Variants in STAG1 observed in about 807,000 individuals in gnomAD.
STAG1 encodes cohesin subunit SA-1.
A neutral mutation model predicts 170.9 loss-of-function variants in STAG1; 26 were observed. The observed-to-expected ratio is 0.15, with a 90% CI of 0.11 to 0.21. The LOEUF (loss-of-function observed/expected upper bound fraction) is 0.21. STAG1 is among the 10% of genes least tolerant of loss of function. The pLI, the probability that STAG1 is intolerant of heterozygous loss-of-function variation, is 1.00. For missense variants in STAG1, 964 were observed against 1,509.5 expected (o/e 0.64, Z 5.99); for synonymous variants, 514 against 497.7 (o/e 1.03, Z -0.44).
At chr3:136,345,058 G>A (rs1238875291) in intron 29 of STAG1, among the ~76,000 whole-genome samples, 4 of 151,948 alleles carry the variant, frequency 2.6e-5, no homozygotes, top group Admixed American at 2.0e-4. Context: ...GCTACGAACT[G>A]TTTTTCTTTC....
At chr3:136,639,304 C>T (rs1940705506) in intron 1 of STAG1, among the ~76,000 whole-genome samples, 1 of 151,972 alleles carries the variant, frequency 6.6e-6, no homozygotes, top group South Asian at 2.1e-4. Flanking sequence ...CACTACCTTC[C>T]AGCCTGGATG....
At chr3:136,653,972 C>A (rs1399654459) in intron 1 of STAG1, among the ~76,000 whole-genome samples, 1 of 152,178 alleles carries the variant, frequency 6.6e-6, no homozygotes, top group East Asian at 1.9e-4. Context: ...AAACTAGCAA[C>A]ATAAGGGAAT....
chr3:136,723,787 G>C (rs1388856378), intron 1 of STAG1, among the ~76,000 whole-genome samples: 1 of 142,562 alleles, frequency 7.0e-6, no homozygotes, highest in Non-Finnish European at 1.5e-5. Flanking sequence ...GGAGGTGGGG[G>C]GGTCAGCCCC....
chr3:136,735,393 T>C (rs989839350), intron 1 of STAG1, among the ~76,000 whole-genome samples: 1 of 152,044 alleles, frequency 6.6e-6, no homozygotes, highest in African/African-American at 2.4e-5. Context: ...CCTGAAGTGG[T>C]GGGATTACAG....
In STAG1 at chr3:136,410,580, T is replaced by C. The variant is rs141378164; in HGVS notation, c.2196+7305A>G. On this transcript the variant is annotated intron_variant, in intron 21 of 33. Transcript: ENST00000383202. ...GCTATGTGACCTAAGGCTAGTTATTTAGTATCTCTGGTTTCATCATCAACA... is the reference window on the plus strand; with the variant it reads ...GCTATGTGACCTAAGGCTAGTTATTCAGTATCTCTGGTTTCATCATCAACA... Among the ~76,000 whole-genome samples, 562 of 152,334 alleles carry C rather than the reference T, an allele frequency of 3.7e-3. 12 individuals carry two copies. Among genetic ancestry groups the C allele is most frequent in the Admixed American group, 0.032 (489 of 15,298 alleles).
At chr3:136,598,418 C>G (rs986700167) in intron 4 of STAG1, among the ~76,000 whole-genome samples, 2 of 151,388 alleles carry the variant, frequency 1.3e-5, no homozygotes, top group Non-Finnish European at 2.9e-5. Context: ...CTCTTTAATA[C>G]AACCTTTTTT....
At chr3:136,669,691 C>T (rs531426405) in intron 1 of STAG1, among the ~76,000 whole-genome samples, 1 of 152,164 alleles carries the variant, frequency 6.6e-6, no homozygotes, top group African/African-American at 2.4e-5. Flanking sequence ...ACTGACATTA[C>T]AAGACTTCGG....
chr3:136,462,635 T>C (rs1027399014), intron 13 of STAG1, among the ~76,000 whole-genome samples: 1 of 152,184 alleles, frequency 6.6e-6, no homozygotes, highest in Non-Finnish European at 1.5e-5. Context: ...CAATAATTTA[T>C]GGAATATTTC....
chr3:136,680,198 T>C (rs892804703), intron 1 of STAG1, among the ~76,000 whole-genome samples: 13 of 152,082 alleles, frequency 8.5e-5, no homozygotes, highest in African/African-American at 3.1e-4. Context: ...GAGGCAGAGG[T>C]TGCAGTGAGC....
intron 4 of STAG1, among the ~76,000 whole-genome samples, chr3:136,583,812 A>T (rs1346521397): frequency 6.6e-6 from 1 of 152,126 alleles, no homozygotes; most frequent in Non-Finnish European, 1.5e-5. Context: ...AAAAACAAAA[A>T]CAAAAACAAA....
At chr3:136,394,856 G>C (rs985091422) in intron 22 of STAG1, among the ~76,000 whole-genome samples, 3 of 151,652 alleles carry the variant, frequency 2.0e-5, no homozygotes, top group Non-Finnish European at 4.4e-5. Flanking sequence ...GGGATGCTGA[G>C]GCAGGAGAAT....
At chr3:136,430,308 C>T (rs1049153865) in intron 16 of STAG1, 1 of 152,168 alleles carries the variant, frequency 6.6e-6, no homozygotes, top group East Asian at 1.9e-4. Context: ...CACTATAATT[C>T]CTCTGTTTTT....
intron 10 of STAG1, among the ~76,000 whole-genome samples, chr3:136,475,134 GTTCCTT>G (rs2089715623): frequency 8.0e-6 from 1 of 124,768 alleles, no homozygotes; most frequent in Non-Finnish European, 1.7e-5. Context: ...TTTTTTATAG[GTTCCTT>G]TTTTTTTTTT....
intron 24 of STAG1, among the ~76,000 whole-genome samples, chr3:136,368,556 C>T (rs1383853696): frequency 6.6e-6 from 1 of 152,124 alleles, no homozygotes; most frequent in Non-Finnish European, 1.5e-5. Flanking sequence ...ATCCTACATA[C>T]ACATTTGTAC....
At chr3:136,669,498 C>A (rs905939510) in intron 1 of STAG1, among the ~76,000 whole-genome samples, 2 of 151,976 alleles carry the variant, frequency 1.3e-5, no homozygotes, top group African/African-American at 4.8e-5. Context: ...GGATTACAGG[C>A]GCACAACCAC....
At chr3:136,455,774 T>C (rs1031103292) in intron 13 of STAG1, among the ~76,000 whole-genome samples, 2 of 152,208 alleles carry the variant, frequency 1.3e-5, no homozygotes, top group African/African-American at 4.8e-5. Flanking sequence ...AAGTCTTTCC[T>C]TGGCCTGGAA....
Position 136,542,163 on chromosome 3 carries a change from G to T in STAG1, c.427C>A (p.Gln143Lys). ...ATTTTTCTGATGATTTCTGCATTCT[G>T]CATATTTCGAAACATCTCTATTCTC... ...TVRIEMFRNMQNAEIIRKMTE... is the reference protein window; with the variant it reads ...TVRIEMFRNMKNAEIIRKMTE... The change falls in exon 6 of 34, where the codon CAG (glutamine) becomes AAG (lysine). Residue 143 changes from glutamine (Q) to lysine (K), a missense_variant. Transcript: ENST00000383202. 6.2e-7 allele frequency: 1 copy of T among 1,609,522 alleles called. No homozygotes were observed.
chr3:136,460,745 AAAG>A (rs1179835985), intron 13 of STAG1, among the ~76,000 whole-genome samples: 1 of 152,236 alleles, frequency 6.6e-6, no homozygotes, highest in African/African-American at 2.4e-5. Context: ...CCAAGCATTT[AAAG>A]AAGAACTAAC....
At chr3:136,379,243 A>G (rs73222302) in intron 22 of STAG1, among the ~76,000 whole-genome samples, 57,798 of 152,018 alleles carry the variant, frequency 0.38, 13,516 homozygotes, top group East Asian at 0.8. Context: ...AATATAGTGT[A>G]AGGAGTGCTA....
Sources: gnomAD v4.1 joint callset for allele counts (sites outside exome capture counted in the v4.1 genomes callset) on GRCh38, gnomAD v4.1.1 for gene constraint, MANE v1.5 for transcripts, NCBI Gene and HGNC (gene_info 2026-07-23, HGNC 2026-07-21) for gene names.